The following TMEM132D variants were observed in gnomAD, a reference collection of about 807,000 sequenced individuals.
TMEM132D encodes the protein transmembrane protein 132D, also known as mature OL transmembrane protein.
Under a neutral mutation model 62.3 loss-of-function variants are expected in TMEM132D, and 21 were observed. The observed-to-expected ratio is 0.34, with a 90% CI of 0.24 to 0.49. The LOEUF is 0.49. Among genes scored for constraint, TMEM132D ranks in the 20% least tolerant of loss-of-function variants. The pLI is 0.99. For synonymous variants in TMEM132D, 621 were observed against 575.6 expected (o/e 1.08, Z -1.13); for missense variants, 1,346 against 1,402.8 (o/e 0.96, Z 0.65).
At chr12:129,487,706 G>A (rs1874626471) in intron 3 of TMEM132D, among the ~76,000 whole-genome samples, 2 of 151,906 alleles carry the variant, frequency 1.3e-5, no homozygotes, top group Admixed American at 1.3e-4. Flanking sequence ...GCCGAGGCGG[G>A]CGGATCATGA....
At position 129,747,429 on chromosome 12, in the gene TMEM132D, GACAC is replaced by G. The variant is rs368715341; in HGVS notation, c.80-46735_80-46732del. Among the ~76,000 whole-genome samples, 541 of 142,476 alleles carry G rather than the reference GACAC, an allele frequency of 3.8e-3. 2 individuals are homozygous for G. Among genetic ancestry groups the G allele is most frequent in the African/African-American group, 0.014 (518 of 37,048 alleles). 93.5% of individuals were successfully genotyped at this position (142,476 alleles called of 152,430 possible). On this transcript the variant is annotated intron_variant, in intron 1 of 8. Coordinates refer to ENST00000422113, the MANE Select transcript of TMEM132D (RefSeq NM_133448.3). The stretch of plus-strand genomic sequence containing the variant: ...ACACACACACATTCTCACACACACA[GACAC>G]ACACACTCTCAGTCACCCTCTCACA...
At chr12:129,453,915 T>A (rs548986940) in intron 3 of TMEM132D, among the ~76,000 whole-genome samples, 1 of 152,300 alleles carries the variant, frequency 6.6e-6, no homozygotes, top group Non-Finnish European at 1.5e-5. Context: ...GCCCTAAAAC[T>A]TGTTTAGTGG....
At chr12:129,299,781 A>T (rs1406962310) in intron 4 of TMEM132D, among the ~76,000 whole-genome samples, 1 of 152,184 alleles carries the variant, frequency 6.6e-6, no homozygotes, top group Non-Finnish European at 1.5e-5. Flanking sequence ...GGGCGTTCTC[A>T]TGGTGGTGCT....
At chr12:129,748,933 C>T (rs915555909) in intron 1 of TMEM132D, among the ~76,000 whole-genome samples, 4 of 152,160 alleles carry the variant, frequency 2.6e-5, no homozygotes, top group African/African-American at 9.7e-5. Flanking sequence ...GGACATCTGC[C>T]TGGACCATTC....
intron 1 of TMEM132D, among the ~76,000 whole-genome samples, chr12:129,775,943 T>A (rs1288760189): frequency 6.6e-6 from 1 of 152,072 alleles, no homozygotes; most frequent in Non-Finnish European, 1.5e-5. Context: ...CATTTGATAA[T>A]CAGTACCCCA....
intron 3 of TMEM132D, among the ~76,000 whole-genome samples, chr12:129,514,599 C>A (rs1472798578): frequency 1.3e-5 from 2 of 152,144 alleles, no homozygotes; most frequent in Non-Finnish European, 2.9e-5. Flanking sequence ...AATGAACATG[C>A]AGGACTGTTC....
At chr12:129,721,127 A>C (rs1364516157) in intron 1 of TMEM132D, among the ~76,000 whole-genome samples, 1 of 152,164 alleles carries the variant, frequency 6.6e-6, no homozygotes, top group Non-Finnish European at 1.5e-5. Context: ...GAGGGTGATA[A>C]GTGAGTAAAG....
chr12:129,895,957 GTC>G (rs1220854528), intron 1 of TMEM132D, among the ~76,000 whole-genome samples: 1 of 37,520 alleles, frequency 2.7e-5, no homozygotes, highest in Non-Finnish European at 1.0e-4. Context: ...TGATTTCTCT[GTC>G]TCTCTTTTTT....
intron 5 of TMEM132D, among the ~76,000 whole-genome samples, chr12:129,164,475 TA>T (rs1877484648): frequency 6.6e-6 from 1 of 152,230 alleles, no homozygotes; most frequent in South Asian, 2.1e-4. Flanking sequence ...CTTGTAAAGT[TA>T]AACATATACC....
At chr12:129,547,247 A>T (rs1414282633) in intron 2 of TMEM132D, among the ~76,000 whole-genome samples, 2 of 151,702 alleles carry the variant, frequency 1.3e-5, no homozygotes, top group Admixed American at 1.3e-4. Context: ...TCCTTTTTAA[A>T]TTTTTTCTAG....
intron 3 of TMEM132D, among the ~76,000 whole-genome samples, chr12:129,505,578 G>A (rs2137070417): frequency 2.0e-5 from 3 of 152,080 alleles, no homozygotes; most frequent in Admixed American, 2.0e-4. Flanking sequence ...TTGTTTTTTT[G>A]TTGACTTTCT....
At chr12:129,450,997 C>T (rs979760808) in intron 3 of TMEM132D, among the ~76,000 whole-genome samples, 6 of 151,932 alleles carry the variant, frequency 3.9e-5, no homozygotes, top group East Asian at 1.9e-4. Context: ...CTCCTGACCT[C>T]GTGATCCACC....
At chr12:129,081,620 C>G in intron 7 of TMEM132D, 139 bp downstream of exon 7, 1 of 1,297,060 alleles carries the variant, frequency 7.7e-7, no homozygotes, top group South Asian at 1.6e-5. Context: ...ATTGCTTACT[C>G]CACAATTTCT....
intron 2 of TMEM132D, among the ~76,000 whole-genome samples, chr12:129,631,624 C>T (rs1008010633): frequency 3.3e-5 from 5 of 152,210 alleles, no homozygotes; most frequent in Non-Finnish European, 5.9e-5. Flanking sequence ...GAGAGAATCA[C>T]ATGACTGATG....
chr12:129,850,393 C>T (rs918744608), intron 1 of TMEM132D, among the ~76,000 whole-genome samples: 10 of 152,134 alleles, frequency 6.6e-5, no homozygotes, highest in African/African-American at 2.4e-4. Flanking sequence ...GTGCACCAGG[C>T]ACTTAGTTCC....
chr12:129,307,717 G>T (rs3912818), intron 4 of TMEM132D, among the ~76,000 whole-genome samples: 17,704 of 152,008 alleles, frequency 0.12, 1,367 homozygotes, highest in East Asian at 0.34. Flanking sequence ...CAGATCATTC[G>T]AATCTGCCCT....
At chr12:129,293,629 G>T (rs1480444094) in intron 4 of TMEM132D, among the ~76,000 whole-genome samples, 1 of 152,164 alleles carries the variant, frequency 6.6e-6, no homozygotes, top group Non-Finnish European at 1.5e-5. Context: ...TCCCATCTGG[G>T]GGTGATGGAG....
At chr12:129,415,829 C>G (rs1415675951) in intron 3 of TMEM132D, among the ~76,000 whole-genome samples, 1 of 152,190 alleles carries the variant, frequency 6.6e-6, no homozygotes, top group Non-Finnish European at 1.5e-5. Context: ...TGGCTGACAC[C>G]AGCACCCAAC....
chr12:129,341,211 T>C (rs1051228600), intron 3 of TMEM132D, among the ~76,000 whole-genome samples: 28 of 152,268 alleles, frequency 1.8e-4, no homozygotes, highest in African/African-American at 6.3e-4. Context: ...TGACAGATGG[T>C]ACATGTCCTG....
Sources: allele counts gnomAD v4.1 joint callset (sites outside exome capture counted in the v4.1 genomes callset), GRCh38; gene constraint gnomAD v4.1.1; transcripts MANE v1.5; gene names NCBI Gene and HGNC (gene_info 2026-07-23, HGNC 2026-07-21).